Variants in MGAT4C observed in about 807,000 individuals in gnomAD.
MGAT4C encodes MGAT4 family member C, also known as alpha-1,3-mannosyl-glycoprotein 4-beta-N-acetylglucosaminyltransferase C.
Under a neutral mutation model 40.1 loss-of-function variants are expected in MGAT4C, and 19 were observed. The observed-to-expected ratio is 0.47, with a 90% CI of 0.33 to 0.70. The LOEUF (loss-of-function observed/expected upper bound fraction) is 0.70. MGAT4C is among the 30% of genes least tolerant of loss of function. The probability of loss-of-function intolerance (pLI) is 0.02; values close to 1 mark genes in which losing one functional copy is unlikely to be tolerated. For synonymous variants in MGAT4C, 181 were observed against 187.1 expected, an observed-to-expected ratio of 0.97 and a Z score of 0.27; for missense variants, 491 against 563.2, an observed-to-expected ratio of 0.87 and a Z score of 1.30.
chr12:86,822,433 C>G (rs189254571), intron 1 of MGAT4C, among the ~76,000 whole-genome samples: 4 of 151,108 alleles, frequency 2.6e-5, no homozygotes, highest in African/African-American at 9.7e-5. Flanking sequence ...ATAGACCTAT[C>G]TAAATGCTGT....
At chr12:85,997,692 G>T (rs1223491797) in intron 2 of MGAT4C, among the ~76,000 whole-genome samples, 2 of 152,216 alleles carry the variant, frequency 1.3e-5, no homozygotes, top group Non-Finnish European at 2.9e-5. Flanking sequence ...TTTGACTCAA[G>T]GTCTCACATC....
chr12:86,622,361 C>T (rs1345612917), intron 2 of MGAT4C, among the ~76,000 whole-genome samples: 2 of 152,074 alleles, frequency 1.3e-5, no homozygotes, highest in African/African-American at 4.8e-5. Context: ...CCTCAAGTCA[C>T]TACTAATTTC....
intron 2 of MGAT4C, among the ~76,000 whole-genome samples, chr12:86,603,010 C>A (rs1961842030): frequency 6.6e-6 from 1 of 151,274 alleles, no homozygotes; most frequent in Non-Finnish European, 1.5e-5. Context: ...AGAAGCCAGG[C>A]ACGAAAAACA....
chr12:86,743,020 CATGTGTGTATGTGT>C (rs1449371539), intron 1 of MGAT4C, among the ~76,000 whole-genome samples: 1 of 138,394 alleles, frequency 7.2e-6, no homozygotes, highest in Non-Finnish European at 1.6e-5. Flanking sequence ...TGTGTGTATG[CATGTGTGTATGTGT>C]ATGTGTGTTT....
At chr12:86,721,505 C>T (rs573905925) in intron 2 of MGAT4C, among the ~76,000 whole-genome samples, 2 of 152,184 alleles carry the variant, frequency 1.3e-5, no homozygotes, top group Admixed American at 6.6e-5. Context: ...ATCCACTTTC[C>T]TCTCTTCTTT....
At chr12:86,323,400 C>A (rs1954443656) in intron 4 of MGAT4C, among the ~76,000 whole-genome samples, 1 of 151,310 alleles carries the variant, frequency 6.6e-6, no homozygotes, top group African/African-American at 2.4e-5. Flanking sequence ...TAATATATTT[C>A]ATCTTTATTT....
intron 3 of MGAT4C, among the ~76,000 whole-genome samples, chr12:86,412,851 G>A (rs544799291): frequency 1.3e-5 from 2 of 152,068 alleles, no homozygotes; most frequent in Non-Finnish European, 2.9e-5. Flanking sequence ...TTAGAGAAGG[G>A]GCCTGGTGGA....
At chr12:86,226,960 T>A (rs1028877408) in intron 1 of MGAT4C, among the ~76,000 whole-genome samples, 3 of 151,966 alleles carry the variant, frequency 2.0e-5, no homozygotes, top group Non-Finnish European at 4.4e-5. Context: ...TTGTAGTTTA[T>A]ATTTATCACT....
At chr12:86,714,007 C>T (rs752521888) in intron 2 of MGAT4C, among the ~76,000 whole-genome samples, 1 of 152,082 alleles carries the variant, frequency 6.6e-6, no homozygotes, top group African/African-American at 2.4e-5. Context: ...TGAGTCCTCA[C>T]GAGCATTGCA....
Position 86,739,021 on chromosome 12 carries a change from T to A in MGAT4C, c.-261-11780A>T, listed in dbSNP as rs1190948992. On this transcript the variant is annotated intron_variant, in intron 1 of 7. Transcript: ENST00000548651. The stretch of plus-strand genomic sequence containing the variant: ...TAAGCATTGAATAAATGCCATTAAA[T>A]GATTGTCGTTAGGGTATCCACTTTT... 2.0e-5 allele frequency among the ~76,000 whole-genome samples: 3 copies of A among 149,602 alleles called. No individual in the cohort carries two copies. In the East Asian group the frequency reaches 5.9e-4, roughly 29 times the overall value.
At chr12:86,557,885 A>C (rs1272468349) in intron 2 of MGAT4C, among the ~76,000 whole-genome samples, 2 of 152,148 alleles carry the variant, frequency 1.3e-5, no homozygotes, top group African/African-American at 4.8e-5. Context: ...TGGAAAGGAA[A>C]TATATGAATT....
intron 2 of MGAT4C, among the ~76,000 whole-genome samples, chr12:86,542,343 T>C (rs1565837551): frequency 8.2e-6 from 1 of 121,784 alleles, no homozygotes; most frequent in Non-Finnish European, 1.8e-5. Context: ...GAGGTTCTAC[T>C]CAGCTCCAAC....
At chr12:86,378,923 G>C (rs1271854385) in intron 3 of MGAT4C, among the ~76,000 whole-genome samples, 1 of 152,060 alleles carries the variant, frequency 6.6e-6, no homozygotes, top group Non-Finnish European at 1.5e-5. Context: ...CTTTTGCCTG[G>C]TGGCTATATA....
At chr12:86,074,286 C>G (rs2221319) in intron 1 of MGAT4C, among the ~76,000 whole-genome samples, 1 of 151,656 alleles carries the variant, frequency 6.6e-6, no homozygotes, top group East Asian at 1.9e-4. Flanking sequence ...AGTGTGAAAA[C>G]GAACTAATAC....
chr12:86,531,965 G>A (rs1011887632), intron 2 of MGAT4C, among the ~76,000 whole-genome samples: 3 of 151,772 alleles, frequency 2.0e-5, no homozygotes, highest in Admixed American at 2.0e-4. Flanking sequence ...CAACTCTATG[G>A]AATCATCTAA....
chr12:86,003,785 G>T (rs1234020510), intron 2 of MGAT4C, among the ~76,000 whole-genome samples: 1 of 151,710 alleles, frequency 6.6e-6, no homozygotes, highest in Admixed American at 6.6e-5. Context: ...GAGGGAGAAA[G>T]CTCAATGCTT....
At chr12:86,614,352 A>G (rs1962380624) in intron 2 of MGAT4C, among the ~76,000 whole-genome samples, 1 of 152,170 alleles carries the variant, frequency 6.6e-6, no homozygotes, top group Non-Finnish European at 1.5e-5. Flanking sequence ...TGAGAGGTGA[A>G]AGCAGGACAT....
intron 2 of MGAT4C, among the ~76,000 whole-genome samples, chr12:86,626,487 G>T (rs542197740): frequency 1.3e-5 from 2 of 152,166 alleles, no homozygotes; most frequent in African/African-American, 4.8e-5. Context: ...TTGTAGTTGT[G>T]GTTGTTTTTA....
At chr12:86,530,576 A>G (rs1403086054) in intron 2 of MGAT4C, among the ~76,000 whole-genome samples, 1 of 151,994 alleles carries the variant, frequency 6.6e-6, no homozygotes, top group Non-Finnish European at 1.5e-5. Flanking sequence ...GTACTCTTTA[A>G]TTTTCTAAGG....
Sources: allele counts gnomAD v4.1 joint callset (sites outside exome capture counted in the v4.1 genomes callset), GRCh38; gene constraint gnomAD v4.1.1; transcripts MANE v1.5; gene names NCBI Gene and HGNC (gene_info 2026-07-23, HGNC 2026-07-21).